Variants in NEGR1 observed in about 807,000 individuals in gnomAD.
The protein encoded by NEGR1 is neuronal growth regulator 1, also known as IgLON family member 4.
A neutral mutation model predicts 40.9 loss-of-function variants in NEGR1; 10 were observed. The observed-to-expected ratio is 0.24, with a 90% CI of 0.15 to 0.42. NEGR1 has a LOEUF of 0.42. Among genes scored for constraint, NEGR1 ranks in the 10% least tolerant of loss-of-function variants. The pLI, the probability that NEGR1 is intolerant of heterozygous loss-of-function variation, is 1.00. For missense variants in NEGR1, 352 were observed against 438.9 expected (o/e 0.80, Z 1.77); for synonymous variants, 185 against 166.8 (o/e 1.11, Z -0.84).
At chr1:72,108,012 C>T (rs1649203777) in intron 1 of NEGR1, among the ~76,000 whole-genome samples, 1 of 151,306 alleles carries the variant, frequency 6.6e-6, no homozygotes, top group South Asian at 2.1e-4. Context: ...TAAGTGCAGC[C>T]AGGTTTTCTA....
chr1:72,273,007 A>G (rs938447855), intron 1 of NEGR1, among the ~76,000 whole-genome samples: 20 of 152,114 alleles, frequency 1.3e-4, no homozygotes, highest in Middle Eastern at 3.4e-3. Flanking sequence ...CTGAATGCTT[A>G]TAAGAGCATC....
In NEGR1 at chr1:71,834,155, A is replaced by G. The variant is rs17091782; in HGVS notation, c.410-57858T>C. ...ATTGATACTGGTATTTGATTCATAA[A>G]ACTTGCTTTGATTCATGGTTTAAGG... is the stretch of plus-strand genomic sequence containing the variant. On this transcript the variant is annotated intron_variant, in intron 2 of 6. Transcript: ENST00000357731. Among the ~76,000 whole-genome samples, 900 of 152,218 alleles carry G rather than the reference A, an allele frequency of 5.9e-3. 10 individuals are homozygous for G. Among genetic ancestry groups the G allele is most frequent in the African/African-American group, 0.021 (863 of 41,550 alleles).
At chr1:71,878,897 T>A (rs1265474414) in intron 2 of NEGR1, among the ~76,000 whole-genome samples, 1 of 152,138 alleles carries the variant, frequency 6.6e-6, no homozygotes, top group Non-Finnish European at 1.5e-5. Context: ...GTATGAGATG[T>A]AGATCACAAA....
intron 1 of NEGR1, among the ~76,000 whole-genome samples, chr1:71,998,117 A>G (rs930141713): frequency 1.3e-5 from 2 of 151,966 alleles, no homozygotes; most frequent in African/African-American, 4.8e-5. Context: ...GATAAACACT[A>G]GGATTTTTAA....
At chr1:71,480,798 A>T (rs1053009683) in intron 6 of NEGR1, among the ~76,000 whole-genome samples, 1 of 151,902 alleles carries the variant, frequency 6.6e-6, no homozygotes, top group Non-Finnish European at 1.5e-5. Flanking sequence ...TTAATACCTT[A>T]CATACCTAAT....
At chr1:71,511,209 T>A (rs567660741) in intron 6 of NEGR1, among the ~76,000 whole-genome samples, 1 of 152,326 alleles carries the variant, frequency 6.6e-6, no homozygotes, top group African/African-American at 2.4e-5. Context: ...TGTTCACTAG[T>A]AAGAAAGGAA....
intron 1 of NEGR1, among the ~76,000 whole-genome samples, 178 bp from the exon 2 acceptor site, chr1:71,935,489 G>C (rs576742305): frequency 1.8e-3 from 271 of 151,858 alleles, no homozygotes; most frequent in Non-Finnish European, 3.1e-3. Context: ...ATGCAAATGT[G>C]AAACAATACT....
At chr1:71,576,673 G>A (rs970140920) in intron 6 of NEGR1, among the ~76,000 whole-genome samples, 2 of 152,136 alleles carry the variant, frequency 1.3e-5, no homozygotes. Context: ...GAATACTAGC[G>A]AAGAACAAAA....
intron 6 of NEGR1, among the ~76,000 whole-genome samples, chr1:71,489,384 T>C (rs912340171): frequency 6.6e-6 from 1 of 151,926 alleles, no homozygotes; most frequent in African/African-American, 2.4e-5. Flanking sequence ...CTTAGGCTGC[T>C]TCACCAGGCT....
At chr1:72,206,009 G>A (rs1207724518) in intron 1 of NEGR1, among the ~76,000 whole-genome samples, 1 of 150,782 alleles carries the variant, frequency 6.6e-6, no homozygotes, top group Middle Eastern at 3.2e-3. Context: ...CATGTAGCAA[G>A]TGGCTGAGGA....
At chr1:72,242,518 A>C (rs1654778971) in intron 1 of NEGR1, among the ~76,000 whole-genome samples, 1 of 151,694 alleles carries the variant, frequency 6.6e-6, no homozygotes, top group Non-Finnish European at 1.5e-5. Context: ...ATGCTAGATA[A>C]GAGCTTTCAT....
chr1:71,592,827 CA>C lies in NEGR1; in HGVS notation c.929del (p.Leu310ArgfsTer28). 6.2e-7 allele frequency: 1 copy of C among 1,612,366 alleles called. No individual in the cohort carries two copies. The highest frequency in any genetic ancestry group is 8.5e-7 in the Non-Finnish European group (1 of 1,178,732). ...ANKLGTTNAS[L>X]PLNPPSTAQY... is the part of the protein sequence containing the mutation. Reference sequence around the variant, plus strand: ...CATTGCATTACTTACGGTTAAGAGGCAGGCTCGCATTGGTTGTGCCTAGCTT... The same window carrying C: ...CATTGCATTACTTACGGTTAAGAGGCGGCTCGCATTGGTTGTGCCTAGCTT... On this transcript the variant is annotated frameshift_variant, in exon 6 of 7. Coordinates refer to ENST00000357731, the MANE Select transcript of NEGR1 (RefSeq NM_173808.3). LOFTEE classifies it high-confidence loss of function.
intron 3 of NEGR1, among the ~76,000 whole-genome samples, chr1:71,715,568 T>C (rs557536845): frequency 6.6e-6 from 1 of 152,304 alleles, no homozygotes; most frequent in Admixed American, 6.5e-5. Flanking sequence ...AGCACCCAAG[T>C]CACTCCTTGA....
At chr1:71,927,818 T>TAAAAAAAAAAAAAAAA (rs35429988) in intron 2 of NEGR1, among the ~76,000 whole-genome samples, 1 of 22,448 alleles carries the variant, frequency 4.5e-5, no homozygotes, top group East Asian at 2.0e-3. Context: ...ACCCAATCTC[T>TAAAAAAAAAAAAAAAA]AAAAAAAAAA....
chr1:71,920,529 C>CCCTA (rs1254886480), intron 2 of NEGR1, among the ~76,000 whole-genome samples: 1 of 152,122 alleles, frequency 6.6e-6, no homozygotes, highest in Non-Finnish European at 1.5e-5. Context: ...CTGTCCTAGC[C>CCCTA]CCTACCTAAC....
chr1:71,619,946 C>A (rs1183261174), intron 4 of NEGR1, among the ~76,000 whole-genome samples: 3 of 151,968 alleles, frequency 2.0e-5, no homozygotes, highest in Non-Finnish European at 1.5e-5. Flanking sequence ...TCATGCCATC[C>A]TCAATGGGAG....
intron 1 of NEGR1, among the ~76,000 whole-genome samples, chr1:72,195,421 C>CTTTTAAAA (rs1652965789): frequency 6.6e-6 from 1 of 151,638 alleles, no homozygotes; most frequent in Non-Finnish European, 1.5e-5. Flanking sequence ...TAAAAGTCCA[C>CTTTTAAAA]GTTAATTTTA....
intron 1 of NEGR1, among the ~76,000 whole-genome samples, chr1:71,993,370 A>G (rs965003823): frequency 6.6e-6 from 1 of 152,196 alleles, no homozygotes; most frequent in African/African-American, 2.4e-5. Flanking sequence ...AGCTGGAGTT[A>G]GCCACCGACT....
intron 6 of NEGR1, among the ~76,000 whole-genome samples, chr1:71,583,513 C>A (rs1649204881): frequency 6.6e-6 from 1 of 152,174 alleles, no homozygotes; most frequent in Non-Finnish European, 1.5e-5. Context: ...GTCAAGCCTG[C>A]AGAGTTGATG....
Sources: allele counts gnomAD v4.1 joint callset (sites outside exome capture counted in the v4.1 genomes callset), GRCh38; gene constraint gnomAD v4.1.1; transcripts MANE v1.5; gene names NCBI Gene and HGNC (gene_info 2026-07-23, HGNC 2026-07-21).